Variants in KAZN observed in about 807,000 individuals in gnomAD.
The protein encoded by KAZN is kazrin, periplakin interacting protein, also known as kazrin.
KAZN carries 40 observed loss-of-function variants against 87.4 expected under a neutral mutation model. The ratio of observed to expected loss-of-function variants is 0.46; its 90% CI spans 0.36 to 0.60. The LOEUF (loss-of-function observed/expected upper bound fraction) is 0.60, where lower values mean the gene tolerates loss of function less well. Ranked by LOEUF, KAZN falls within the 20% of genes least tolerant of loss-of-function variation. The pLI, the probability that KAZN is intolerant of heterozygous loss-of-function variation, is 0.00. For missense variants in KAZN, 898 were observed against 1,073.9 expected (o/e 0.84, Z 2.29); for synonymous variants, 466 against 458.3 (o/e 1.02, Z -0.22).
At chr1:14,236,049 A>C (rs889141670) in intron 2 of KAZN, among the ~76,000 whole-genome samples, 1 of 152,208 alleles carries the variant, frequency 6.6e-6, no homozygotes, top group Admixed American at 6.6e-5. Context: ...ATCCTAAAAA[A>C]CAACACAGCT....
chr1:14,242,320 A>G (rs970975095), intron 2 of KAZN, among the ~76,000 whole-genome samples: 18 of 152,226 alleles, frequency 1.2e-4, no homozygotes, highest in South Asian at 2.1e-4. Context: ...CACATGAAGC[A>G]AGAGGGTGAC....
intron 4 of KAZN, among the ~76,000 whole-genome samples, chr1:15,055,273 T>C (rs1674827701): frequency 6.6e-6 from 1 of 151,992 alleles, no homozygotes; most frequent in Admixed American, 6.5e-5. Flanking sequence ...GGTCAGGAGT[T>C]CAAGACCAGC....
chr1:14,131,829 C>T (rs924243463), intron 1 of KAZN, among the ~76,000 whole-genome samples: 2 of 152,044 alleles, frequency 1.3e-5, no homozygotes, highest in African/African-American at 4.8e-5. Context: ...TTGGCTTTGT[C>T]CTCTGGATCT....
rs534253818 is a variant in KAZN, at chr1:14,996,116, G to T, written c.418+35241G>T. Among the ~76,000 whole-genome samples, 2 of 152,250 alleles carry T rather than the reference G, an allele frequency of 1.3e-5. No individual in the cohort carries two copies. The highest frequency in any genetic ancestry group is 4.1e-4 in the South Asian group (2 of 4,824). ...TACCCTGCACAGCAGACGCGAGTGT[G>T]CATGTCAGTTTCCAGGCTATTTTCT... On this transcript the variant is annotated intron_variant, in intron 2 of 14. Coordinates refer to ENST00000376030, the MANE Select transcript of KAZN (RefSeq NM_201628.3). The surrounding 1 kb of genome is among the most constrained non-coding windows in gnomAD (Gnocchi z 5.9).
At chr1:14,515,526 A>C (rs1671254320) in intron 2 of KAZN, among the ~76,000 whole-genome samples, 1 of 152,182 alleles carries the variant, frequency 6.6e-6, no homozygotes, top group Admixed American at 6.5e-5. Flanking sequence ...TCAATGCAGG[A>C]GCTGGCTTCT....
chr1:15,111,853 CA>C (rs1313019674), intron 13 of KAZN: 1 of 153,680 alleles, frequency 6.5e-6, no homozygotes, highest in African/African-American at 2.4e-5. Flanking sequence ...ATCAGTCGGC[CA>C]GCTGGATTTG....
intron 1 of KAZN, among the ~76,000 whole-genome samples, chr1:14,845,052 A>G (rs1268189189): frequency 2.6e-5 from 4 of 151,886 alleles, no homozygotes; most frequent in Admixed American, 6.6e-5. Flanking sequence ...GGACAGACAG[A>G]TAAATGAATG....
At chr1:14,956,270 G>C (rs533242592) in intron 1 of KAZN, among the ~76,000 whole-genome samples, 1 of 146,640 alleles carries the variant, frequency 6.8e-6, no homozygotes, top group African/African-American at 2.7e-5. Flanking sequence ...TGGCTTCCTT[G>C]GGTGGTTGGA....
At chr1:14,788,621 T>TAAAGCACC (rs1645581019) in intron 1 of KAZN, among the ~76,000 whole-genome samples, 1 of 152,076 alleles carries the variant, frequency 6.6e-6, no homozygotes. Flanking sequence ...CAGTAGACCC[T>TAAAGCACC]AAAGCACCAG....
At chr1:14,301,335 A>G (rs1021871248) in intron 2 of KAZN, among the ~76,000 whole-genome samples, 1 of 152,230 alleles carries the variant, frequency 6.6e-6, no homozygotes, top group Admixed American at 6.5e-5. Flanking sequence ...GCCCTGTACA[A>G]GTGTGGCTCT....
intron 2 of KAZN, among the ~76,000 whole-genome samples, chr1:14,257,486 T>C (rs1650611095): frequency 6.8e-6 from 1 of 146,962 alleles, no homozygotes; most frequent in African/African-American, 2.6e-5. Flanking sequence ...TAGATCCCAT[T>C]TGTCAATTTT....
chr1:14,705,991 C>A (rs1208317683), intron 1 of KAZN, among the ~76,000 whole-genome samples: 1 of 152,156 alleles, frequency 6.6e-6, no homozygotes, highest in African/African-American at 2.4e-5. Context: ...TACAGCCACT[C>A]CCCATGGCTC....
chr1:14,344,669 G>A (rs1188252865), intron 2 of KAZN, among the ~76,000 whole-genome samples: 5 of 152,156 alleles, frequency 3.3e-5, no homozygotes, highest in African/African-American at 1.2e-4. Flanking sequence ...GAGACTAAGA[G>A]GGGAGAGACA....
chr1:15,043,902 T>G, intron 3 of KAZN, 87 bp from the exon 4 acceptor site: 1 of 1,341,452 alleles, frequency 7.5e-7, no homozygotes, highest in Non-Finnish European at 1.0e-6. Context: ...TTTTTCCATC[T>G]AGGAGTTAGG....
chr1:14,864,536 G>A (rs1274434050), intron 1 of KAZN, among the ~76,000 whole-genome samples: 5 of 152,126 alleles, frequency 3.3e-5, no homozygotes, highest in Non-Finnish European at 7.4e-5. Flanking sequence ...CACTCCAGTG[G>A]GGGCGATAGA....
chr1:14,459,604 A>G (rs980023390), intron 2 of KAZN, among the ~76,000 whole-genome samples: 1 of 152,154 alleles, frequency 6.6e-6, no homozygotes, highest in African/African-American at 2.4e-5. Flanking sequence ...GCCACAACCA[A>G]TTAACCATGT....
At chr1:14,573,826 G>C (rs985664046) in intron 2 of KAZN, among the ~76,000 whole-genome samples, 1 of 151,990 alleles carries the variant, frequency 6.6e-6, no homozygotes, top group African/African-American at 2.4e-5. Flanking sequence ...TTTGAGGATG[G>C]AGGAAGAAGG....
At chr1:14,907,415 A>C (rs1656721922) in intron 1 of KAZN, among the ~76,000 whole-genome samples, 1 of 151,806 alleles carries the variant, frequency 6.6e-6, no homozygotes, top group African/African-American at 2.4e-5. Context: ...AAAAAAAAAA[A>C]AACAAAAAGT....
chr1:14,584,429 G>T (rs1675729533), intron 2 of KAZN, among the ~76,000 whole-genome samples: 1 of 152,198 alleles, frequency 6.6e-6, no homozygotes, highest in South Asian at 2.1e-4. Context: ...ACAGAGAGGA[G>T]CAAGAAGGCA....
Sources: gnomAD v4.1 joint callset for allele counts (sites outside exome capture counted in the v4.1 genomes callset) on GRCh38, gnomAD v4.1.1 for gene constraint, Gnocchi (gnomAD v3.1) non-coding constraint, MANE v1.5 for transcripts, NCBI Gene and HGNC (gene_info 2026-07-23, HGNC 2026-07-21) for gene names.